The following WFDC1 variants were observed in gnomAD, a reference collection of about 807,000 sequenced individuals.
The protein encoded by WFDC1 is WAP four-disulfide core domain protein 1.
WFDC1 carries 39 observed loss-of-function variants against 32.9 expected under a neutral mutation model. The observed-to-expected ratio is 1.19, with a 90% CI of 0.92 to 1.55. The LOEUF is 1.55. WFDC1 is among the 40% of genes most tolerant of loss of function. The probability of loss-of-function intolerance (pLI) is 0.00; values close to 1 mark genes in which losing one functional copy is unlikely to be tolerated. For missense variants in WFDC1, 386 were observed against 309.5 expected (o/e 1.25, Z -1.85); for synonymous variants, 184 against 137.4 (o/e 1.34, Z -2.37).
chr16:84,313,916 C>A (rs1050933345), intron 2 of WFDC1, among the ~76,000 whole-genome samples: 1 of 152,148 alleles, frequency 6.6e-6, no homozygotes, highest in Non-Finnish European at 1.5e-5. Flanking sequence ...GTGGCAGGAG[C>A]CTCAAATCCC....
intron 1 of WFDC1, among the ~76,000 whole-genome samples, chr16:84,302,614 G>A (rs8058580): frequency 6.6e-6 from 1 of 152,132 alleles, no homozygotes; most frequent in African/African-American, 2.4e-5. Flanking sequence ...GTTTACATAA[G>A]AGCCCAGCTC....
At chr16:84,326,341 G>A (rs1195226128) in intron 5 of WFDC1, 1 of 155,706 alleles carries the variant, frequency 6.4e-6, no homozygotes, top group Non-Finnish European at 1.4e-5. Flanking sequence ...TCTGTGCTGG[G>A]GGTTGGAGCT....
At chr16:84,323,525 T>C (rs1354327179) in intron 4 of WFDC1, among the ~76,000 whole-genome samples, 2 of 152,236 alleles carry the variant, frequency 1.3e-5, no homozygotes, top group Non-Finnish European at 2.9e-5. Flanking sequence ...CACACAAAGA[T>C]AGAATTTTCA....
intron 4 of WFDC1, among the ~76,000 whole-genome samples, chr16:84,320,726 C>T (rs1244971171): frequency 6.6e-6 from 1 of 152,188 alleles, no homozygotes; most frequent in East Asian, 1.9e-4. Flanking sequence ...AGACTGAGAC[C>T]ACACCCAGGG....
chr16:84,298,265 G>A (rs927114568), intron 1 of WFDC1, among the ~76,000 whole-genome samples: 5 of 151,800 alleles, frequency 3.3e-5, no homozygotes, highest in Non-Finnish European at 7.4e-5. Context: ...GTACCACCAC[G>A]CCTGGCTAAT....
Position 84,295,053 on chromosome 16 carries a change from G to T in WFDC1, c.82G>T (p.Ala28Ser). The change falls in exon 1 of 7, where the codon GCC (alanine) becomes TCC (serine). Residue 28 changes from alanine (A) to serine (S), a missense_variant. Physicochemically the swap from Ala to Ser is moderately conservative, Grantham distance 99. Transcript: ENST00000219454. ...GTGCCTCTTGCTACTTCTCCTCCAC[G>T]CCGGCTCTGCCAAGAATATCTGGAA... ...ALCLLLLLLHAGSAKNIWKRA... is the reference protein window; with the variant it reads ...ALCLLLLLLHSGSAKNIWKRA... 1 of 1,614,188 alleles carries T rather than the reference G, an allele frequency of 6.2e-7. No individual in the cohort carries two copies. Among genetic ancestry groups the T allele is most frequent in the Non-Finnish European group, 8.5e-7 (1 of 1,180,030 alleles).
intron 4 of WFDC1, among the ~76,000 whole-genome samples, 159 bp from the exon 5 acceptor site, chr16:84,324,260 G>A (rs958774701): frequency 1.3e-5 from 2 of 152,210 alleles, no homozygotes; most frequent in African/African-American, 4.8e-5. Context: ...AACTAGAGCT[G>A]AGACATTACA....
chr16:84,319,584 C>T lies in WFDC1; in HGVS notation c.562+13C>T, dbSNP rs748534970. 6.2e-7 allele frequency: 1 copy of T among 1,610,322 alleles called. No individual in the cohort carries two copies. Among genetic ancestry groups the T allele is most frequent in the Non-Finnish European group, 8.5e-7 (1 of 1,179,390 alleles). On this transcript the variant is annotated intron_variant, in intron 4 of 6. Transcript: ENST00000219454. Reference sequence around the variant, plus strand: ...CGCCGGCAAGCAGGTGAGTGTGGCACCCCAGCCCTGATCCTGGCTCCTGCC... The same window carrying T: ...CGCCGGCAAGCAGGTGAGTGTGGCATCCCAGCCCTGATCCTGGCTCCTGCC...
chr16:84,302,987 G>C (rs890769848), intron 1 of WFDC1, among the ~76,000 whole-genome samples: 5 of 151,726 alleles, frequency 3.3e-5, no homozygotes, highest in Admixed American at 1.3e-4. Flanking sequence ...GGGAAGACTT[G>C]GTCGACTTTG....
intron 5 of WFDC1, chr16:84,326,628 C>A: frequency 2.1e-6 from 1 of 465,902 alleles, no homozygotes; most frequent in Non-Finnish European, 3.9e-6. Context: ...TGGCCATCCC[C>A]AAAGCTGGAG....
chr16:84,327,890 G>A (rs1279231990), intron 6 of WFDC1: 1 of 152,296 alleles, frequency 6.6e-6, no homozygotes, highest in Non-Finnish European at 1.5e-5. Flanking sequence ...ATCCCACAGA[G>A]CCGCTGCCCT....
In WFDC1 at chr16:84,295,420, A is replaced by G. The variant is rs16963316; in HGVS notation, c.144+305A>G. ...CTGAAAGACAGCATCTCATTTCGGAACCCCAGGATTTAAACGGAGCATTCC... is the reference window on the plus strand; with the variant it reads ...CTGAAAGACAGCATCTCATTTCGGAGCCCCAGGATTTAAACGGAGCATTCC... On this transcript the variant is annotated intron_variant, in intron 1 of 6. Transcript: ENST00000219454. 4,383 of 486,822 alleles carry G rather than the reference A, an allele frequency of 9.0e-3. 122 individuals carry two copies. The highest frequency in any genetic ancestry group is 0.066 in the African/African-American group (3,406 of 51,232). 30.2% of individuals were successfully genotyped at this position (486,822 alleles called of 1,614,324 possible).
intron 2 of WFDC1, 45 bp downstream of exon 2, chr16:84,313,198 T>C: frequency 7.3e-7 from 1 of 1,375,404 alleles, no homozygotes; most frequent in South Asian, 1.7e-5. Flanking sequence ...GGAGGACAGG[T>C]GAACAGAGCT....
chr16:84,327,053 G>T (rs946628393), intron 6 of WFDC1, 98 bp downstream of exon 6: 4 of 1,199,274 alleles, frequency 3.3e-6, no homozygotes, highest in Non-Finnish European at 4.9e-6. Context: ...GAGGGTGAGA[G>T]TAGCGCTTTC....
chr16:84,318,380 C>T (rs1191395000), intron 3 of WFDC1, 25 bp downstream of exon 3: 2 of 1,610,830 alleles, frequency 1.2e-6, no homozygotes, highest in African/African-American at 1.3e-5. Context: ...AAGCCCAGAC[C>T]CTACATCCAA....
intron 1 of WFDC1, among the ~76,000 whole-genome samples, chr16:84,303,325 A>G (rs946673562): frequency 6.6e-6 from 1 of 152,104 alleles, no homozygotes; most frequent in Non-Finnish European, 1.5e-5. Flanking sequence ...AAAGAAGGGT[A>G]AAAGCTCCTG....
chr16:84,326,887 G>A lies in WFDC1; in HGVS notation c.610G>A (p.Asp204Asn), dbSNP rs377123484. The change falls in exon 6 of 7, where the codon GAC becomes AAC. Residue 204 changes from aspartate to asparagine, a missense_variant. Transcript: ENST00000219454. ...HKLYKEYPEG[D>N]SKNVAEPGRG... ...GAGCTGTGTTCTTTTCACAGAAGGTGACTCAAAGAATGTGGCAGAACCTGG... is the reference window on the plus strand; with the variant it reads ...GAGCTGTGTTCTTTTCACAGAAGGTAACTCAAAGAATGTGGCAGAACCTGG... The A allele has an allele frequency of 4.3e-6, 7 of 1,613,948 alleles. No homozygotes were observed. The highest frequency in any genetic ancestry group is 5.9e-6 in the Non-Finnish European group (7 of 1,180,028).
In WFDC1 at chr16:84,322,160, C is replaced by CGTGTGTGTGTGTGTGTCTGT. The variant is rs1555546146; in HGVS notation, c.563-2243_563-2242insCTGTGTGTGTGTGTGTGTGT. On this transcript the variant is annotated intron_variant, in intron 4 of 6. Transcript: ENST00000219454. ...GCCTCAGAGCCTGTGTGTGTGTGTG[C>CGTGTGTGTGTGTGTGTCTGT]GTGTGTGTGTGTGTGTGTGTGTGTG... is the stretch of plus-strand genomic sequence containing the variant. 3.5e-5 allele frequency among the ~76,000 whole-genome samples: 5 copies of CGTGTGTGTGTGTGTGTCTGT among 142,284 alleles called. No individual in the cohort carries two copies. The South Asian group carries it at 7.1e-4, about 20-fold the overall frequency. The allele number at this position is 142,284 out of a possible 152,430, so 93.3% of individuals were successfully genotyped here.
Position 84,295,080 on chromosome 16 carries a change from C to A in WFDC1, c.109C>A (p.Arg37=), listed in dbSNP as rs762831200. 1.2e-6 allele frequency: 2 copies of A among 1,614,178 alleles called. No homozygotes were observed. Among genetic ancestry groups the A allele is most frequent in the East Asian group, 2.2e-5 (1 of 44,870 alleles). Residue 37 remains arginine (R), a synonymous_variant, in exon 1 of 7, where the codon CGG becomes AGG. Coordinates refer to ENST00000219454, the MANE Select transcript of WFDC1 (RefSeq NM_021197.4). ...CGGCTCTGCCAAGAATATCTGGAAA[C>A]GGGCATTGCCTGCGAGGCTGGCCGA... ...HAGSAKNIWK[R]ALPARLAEKS... is the part of the protein sequence containing the mutation.
Sources: allele counts gnomAD v4.1 joint callset (sites outside exome capture counted in the v4.1 genomes callset), GRCh38; gene constraint gnomAD v4.1.1; transcripts MANE v1.5; gene names NCBI Gene and HGNC (gene_info 2026-07-23, HGNC 2026-07-21).